Variants in TIAM1 observed in about 807,000 individuals in gnomAD.
The protein encoded by TIAM1 is TIAM Rac1 associated GEF 1.
In TIAM1, 65 loss-of-function variants were observed where a neutral mutation model predicts 163.5. The ratio of observed to expected loss-of-function variants is 0.40; its 90% CI spans 0.33 to 0.49. The LOEUF (loss-of-function observed/expected upper bound fraction) is 0.49, where lower values mean the gene tolerates loss of function less well. TIAM1 is among the 20% of genes least tolerant of loss of function. TIAM1 has a pLI of 0.77. For synonymous variants in TIAM1, 833 were observed against 810.1 expected, an observed-to-expected ratio of 1.03 and a Z score of -0.48; for missense variants, 1,789 against 2,044.7, an observed-to-expected ratio of 0.87 and a Z score of 2.41.
At chr21:31,549,311 T>C (rs2048603792) in intron 1 of TIAM1, among the ~76,000 whole-genome samples, 1 of 152,188 alleles carries the variant, frequency 6.6e-6, no homozygotes, top group Non-Finnish European at 1.5e-5. Context: ...CATGACTAAG[T>C]AAACATTTTT....
At chr21:31,336,103 G>T (rs1180573694) in intron 2 of TIAM1, among the ~76,000 whole-genome samples, 1 of 152,188 alleles carries the variant, frequency 6.6e-6, no homozygotes, top group Non-Finnish European at 1.5e-5. Flanking sequence ...GCGCACCCAG[G>T]AGGCAGAAGA....
chr21:31,285,812 G>C (rs1034136036), intron 2 of TIAM1, among the ~76,000 whole-genome samples: 2 of 152,042 alleles, frequency 1.3e-5, no homozygotes, highest in Non-Finnish European at 1.5e-5. Context: ...AGTGAGCGAA[G>C]ATCACACCAT....
chr21:31,252,062 G>C lies in TIAM1; in HGVS notation c.1091C>G (p.Ala364Gly). ...GCTGCCGCTGTCGCTGCCCACAAAG[G>C]CCCGGCCTGTGGTGGGTGAGTAGCT... ...NSSYSPTTGR[A>G]FVGSDSGSSS... The change falls in exon 5 of 28, where the codon GCC (alanine) becomes GGC (glycine). Residue 364 changes from alanine to glycine, a missense_variant. Around this residue, in one of 5 missense-constraint regions of TIAM1, gnomAD observed 555 missense variants for 564.9 expected, o/e 0.98. Coordinates refer to ENST00000541036, the MANE Select transcript of TIAM1 (RefSeq NM_001353694.2). 3 of 1,614,042 alleles carry C rather than the reference G, an allele frequency of 1.9e-6. No individual in the cohort carries two copies. The highest frequency in any genetic ancestry group is 2.5e-6 in the Non-Finnish European group (3 of 1,180,036).
At chr21:31,492,190 G>A (rs990576078) in intron 1 of TIAM1, among the ~76,000 whole-genome samples, 13 of 152,152 alleles carry the variant, frequency 8.5e-5, no homozygotes, top group Non-Finnish European at 1.3e-4. Context: ...AAGTCAAGCT[G>A]GGAACTACAT....
At chr21:31,551,722 G>A (rs569110312) in intron 1 of TIAM1, among the ~76,000 whole-genome samples, 41 of 152,212 alleles carry the variant, frequency 2.7e-4, no homozygotes, top group African/African-American at 5.1e-4. Context: ...GCAGCAGAGC[G>A]AGACCCTATC....
At chr21:31,165,125 C>T in intron 15 of TIAM1, 60 bp from the exon 16 acceptor site, 1 of 1,522,796 alleles carries the variant, frequency 6.6e-7, no homozygotes, top group African/African-American at 1.4e-5. Context: ...CTAAAAGCCA[C>T]CCCTGTGTGA....
intron 1 of TIAM1, among the ~76,000 whole-genome samples, chr21:31,480,607 C>A (rs2046079805): frequency 6.6e-6 from 1 of 152,332 alleles, no homozygotes; most frequent in African/African-American, 2.4e-5. Flanking sequence ...CAGCCCTGAC[C>A]TTGGCAGTGG....
intron 5 of TIAM1, among the ~76,000 whole-genome samples, chr21:31,246,297 T>C (rs971786845): frequency 2.0e-5 from 3 of 152,152 alleles, no homozygotes; most frequent in Non-Finnish European, 2.9e-5. Context: ...TACAAAGGCC[T>C]GGGAGAAGCC....
chr21:31,529,330 G>A (rs1212829701), intron 1 of TIAM1, among the ~76,000 whole-genome samples: 1 of 152,168 alleles, frequency 6.6e-6, no homozygotes, highest in South Asian at 2.1e-4. Context: ...AGGTTGGGGA[G>A]AGAAAATTAA....
intron 2 of TIAM1, among the ~76,000 whole-genome samples, chr21:31,321,184 G>A (rs1191605408): frequency 3.9e-5 from 6 of 152,080 alleles, no homozygotes; most frequent in African/African-American, 1.4e-4. Flanking sequence ...GACAGGTAGA[G>A]GAAATTCCCT....
At chr21:31,336,142 C>T (rs537568648) in intron 2 of TIAM1, among the ~76,000 whole-genome samples, 19 of 152,168 alleles carry the variant, frequency 1.2e-4, no homozygotes, top group Non-Finnish European at 2.5e-4. Context: ...TGAAGACAGA[C>T]GCCACTGGGG....
intron 2 of TIAM1, among the ~76,000 whole-genome samples, chr21:31,309,862 GAA>G (rs1735391748): frequency 6.6e-6 from 1 of 152,140 alleles, no homozygotes; most frequent in African/African-American, 2.4e-5. Flanking sequence ...AGGCAAAGAA[GAA>G]AAGTCTCCAG....
intron 16 of TIAM1, among the ~76,000 whole-genome samples, chr21:31,157,621 C>T (rs540464575): frequency 6.6e-6 from 1 of 152,098 alleles, no homozygotes; most frequent in South Asian, 2.1e-4. Flanking sequence ...ACAGGGTGCA[C>T]ACACATACAC....
rs1601141190 is a variant in TIAM1, at chr21:31,119,235, A to C, written c.*1133T>G. ...TTGGCATGAAGAAAGTGTTAAACAC[A>C]AGAGAAGTTTTTAAAGAGGTTGTTC... On this transcript the variant is annotated 3_prime_UTR_variant, in exon 28 of 28. Transcript: ENST00000541036. 6.6e-6 allele frequency: 1 copy of C among 152,650 alleles called. No homozygotes were observed. The highest frequency in any genetic ancestry group is 1.5e-5 in the Non-Finnish European group (1 of 68,074). 9.5% of individuals were successfully genotyped at this position (152,650 alleles called of 1,614,324 possible).
intron 1 of TIAM1, among the ~76,000 whole-genome samples, chr21:31,543,322 T>C (rs997623148): frequency 1.3e-5 from 2 of 152,220 alleles, no homozygotes; most frequent in Middle Eastern, 6.3e-3. Flanking sequence ...CTCTTGGCAA[T>C]GACCTGCGCG....
At chr21:31,310,309 A>G (rs2074874836) in intron 2 of TIAM1, among the ~76,000 whole-genome samples, 1 of 152,176 alleles carries the variant, frequency 6.6e-6, no homozygotes, top group Non-Finnish European at 1.5e-5. Context: ...CTTAGAACCA[A>G]CTAGATAGAG....
chr21:31,119,892 A>G lies in TIAM1; in HGVS notation c.*476T>C, dbSNP rs992872243. On this transcript the variant is annotated 3_prime_UTR_variant, in exon 28 of 28. Coordinates refer to ENST00000541036, the MANE Select transcript of TIAM1 (RefSeq NM_001353694.2). The stretch of plus-strand genomic sequence containing the variant: ...TTAAAATACACGGAGATTCTCAGAC[A>G]TGGAAGAGGGAAGGGTACAGTCAGA... 3.3e-5 allele frequency: 5 copies of G among 152,470 alleles called. No homozygotes were observed. The highest frequency in any genetic ancestry group is 1.2e-4 in the African/African-American group (5 of 41,392). 9.4% of individuals were successfully genotyped at this position (152,470 alleles called of 1,614,324 possible).
chr21:31,171,959 G>A (rs1465534932), intron 15 of TIAM1, among the ~76,000 whole-genome samples: 1 of 152,190 alleles, frequency 6.6e-6, no homozygotes, highest in Non-Finnish European at 1.5e-5. Flanking sequence ...GGATCACAGA[G>A]TCACATGAGT....
chr21:31,473,031 G>C (rs751550657), intron 1 of TIAM1, among the ~76,000 whole-genome samples: 1 of 152,146 alleles, frequency 6.6e-6, no homozygotes, highest in Admixed American at 6.5e-5. Context: ...GCACGGTCTG[G>C]AGCTGGCAAG....
Sources: allele counts gnomAD v4.1 joint callset (sites outside exome capture counted in the v4.1 genomes callset), GRCh38; gene constraint gnomAD v4.1.1; regional missense constraint gnomAD v4.1.1; transcripts MANE v1.5; gene names NCBI Gene and HGNC (gene_info 2026-07-23, HGNC 2026-07-21).